TENM4: variants seen among roughly 807,000 people sequenced by gnomAD.
The protein encoded by TENM4 is teneurin transmembrane protein 4.
Under a neutral mutation model 243.3 loss-of-function variants are expected in TENM4, and 82 were observed. The ratio of observed to expected loss-of-function variants is 0.34; its 90% CI spans 0.28 to 0.40. The LOEUF is 0.40. Among genes scored for constraint, TENM4 ranks in the 10% least tolerant of loss-of-function variants. The pLI is 1.00. For missense variants in TENM4, 3,138 were observed against 3,673.3 expected, an observed-to-expected ratio of 0.85 and a Z score of 3.77; for synonymous variants, 1,412 against 1,456.3, an observed-to-expected ratio of 0.97 and a Z score of 0.69.
chr11:79,140,504 C>T (rs1002564587), intron 4 of TENM4, among the ~76,000 whole-genome samples: 3 of 152,058 alleles, frequency 2.0e-5, no homozygotes, highest in Non-Finnish European at 2.9e-5. Flanking sequence ...CTGTTTAAGA[C>T]GCTTCCAAGT....
At chr11:79,115,976 T>C (rs1288994065) in intron 4 of TENM4, among the ~76,000 whole-genome samples, 1 of 152,190 alleles carries the variant, frequency 6.6e-6, no homozygotes, top group Admixed American at 6.5e-5. Context: ...TTTCTCTGCC[T>C]TGGAGTCAGG....
intron 6 of TENM4, among the ~76,000 whole-genome samples, chr11:78,925,978 A>G (rs1194325872): frequency 1.3e-5 from 2 of 152,012 alleles, no homozygotes; most frequent in Admixed American, 1.3e-4. Flanking sequence ...ACAACCCCAA[A>G]GCCCATATAT....
chr11:79,056,539 G>T (rs1591246904), intron 6 of TENM4, among the ~76,000 whole-genome samples: 1 of 152,056 alleles, frequency 6.6e-6, no homozygotes, highest in Non-Finnish European at 1.5e-5. Flanking sequence ...GTGCTATGCG[G>T]AGGAGGCCCC....
At chr11:78,700,555 C>T (rs576165512) in intron 28 of TENM4, among the ~76,000 whole-genome samples, 62 of 152,212 alleles carry the variant, frequency 4.1e-4, no homozygotes, top group Middle Eastern at 3.4e-3. Flanking sequence ...CAAAAAGCAG[C>T]TTAAAAAAAT....
chr11:79,367,970 G>A (rs369647029), intron 1 of TENM4, among the ~76,000 whole-genome samples: 2 of 152,156 alleles, frequency 1.3e-5, no homozygotes, highest in Non-Finnish European at 2.9e-5. Context: ...ATCTAAATCT[G>A]ACTAAAGCAG....
intron 26 of TENM4, among the ~76,000 whole-genome samples, chr11:78,708,872 CT>C (rs1859324349): frequency 6.6e-6 from 1 of 151,988 alleles, no homozygotes; most frequent in Non-Finnish European, 1.5e-5. Flanking sequence ...AATATTAACA[CT>C]GTGAATTATT....
At chr11:78,977,913 A>G (rs761100034) in intron 6 of TENM4, among the ~76,000 whole-genome samples, 2 of 152,226 alleles carry the variant, frequency 1.3e-5, no homozygotes, top group Non-Finnish European at 2.9e-5. Flanking sequence ...ACATATGTTT[A>G]TTGCAGCACG....
At chr11:79,224,943 C>G (rs1293515068) in intron 2 of TENM4, among the ~76,000 whole-genome samples, 1 of 151,192 alleles carries the variant, frequency 6.6e-6, no homozygotes, top group Non-Finnish European at 1.5e-5. Context: ...AAGAGCCAGA[C>G]TCTGTCTAAA....
At chr11:79,220,407 C>A (rs1864134893) in intron 2 of TENM4, among the ~76,000 whole-genome samples, 1 of 152,196 alleles carries the variant, frequency 6.6e-6, no homozygotes, top group Non-Finnish European at 1.5e-5. Flanking sequence ...TCACAACTCA[C>A]CCAGTCACCA....
intron 1 of TENM4, among the ~76,000 whole-genome samples, chr11:79,439,406 A>G (rs546146887): frequency 2.0e-4 from 30 of 152,150 alleles, no homozygotes; most frequent in African/African-American, 6.7e-4. Flanking sequence ...GAGCAGTAAT[A>G]CACTCATCCA....
intron 17 of TENM4, among the ~76,000 whole-genome samples, chr11:78,773,677 A>T (rs1355242273): frequency 6.6e-6 from 1 of 152,164 alleles, no homozygotes; most frequent in African/African-American, 2.4e-5. Context: ...GCAGCCATAC[A>T]CACTTTTAAA....
intron 1 of TENM4, among the ~76,000 whole-genome samples, chr11:79,309,276 G>A (rs1856679869): frequency 6.6e-6 from 1 of 152,192 alleles, no homozygotes; most frequent in Non-Finnish European, 1.5e-5. Flanking sequence ...CAGCCCCTTG[G>A]GTTTACAGGT....
At chr11:79,050,604 TA>T (rs1859768062) in intron 6 of TENM4, among the ~76,000 whole-genome samples, 2 of 152,248 alleles carry the variant, frequency 1.3e-5, no homozygotes, top group Non-Finnish European at 2.9e-5. Flanking sequence ...TCCCTTTGTT[TA>T]TACCATGCTT....
chr11:78,926,801 C>T (rs1856562813), intron 6 of TENM4, among the ~76,000 whole-genome samples: 1 of 151,166 alleles, frequency 6.6e-6, no homozygotes, highest in South Asian at 2.1e-4. Flanking sequence ...ATCAAGATAA[C>T]TTGTTTTCTA....
chr11:79,243,312 G>C (rs774388567), intron 2 of TENM4, among the ~76,000 whole-genome samples: 3 of 152,116 alleles, frequency 2.0e-5, no homozygotes, highest in South Asian at 2.1e-4. Flanking sequence ...TGCATGGGCT[G>C]TCTTGTCGTT....
chr11:78,704,372 A>G (rs749435912), intron 27 of TENM4, among the ~76,000 whole-genome samples: 29 of 151,982 alleles, frequency 1.9e-4, no homozygotes, highest in Non-Finnish European at 4.0e-4. Flanking sequence ...TTTGTATACC[A>G]TCGTCTATAA....
At chr11:78,725,989 A>G in intron 23 of TENM4, 90 bp downstream of exon 23, 1 of 1,544,352 alleles carries the variant, frequency 6.5e-7, no homozygotes, top group Non-Finnish European at 8.8e-7. Context: ...ATGGGATTCA[A>G]AATGTGAATT....
chr11:79,112,416 G>C (rs962409720), intron 4 of TENM4, among the ~76,000 whole-genome samples: 3 of 152,124 alleles, frequency 2.0e-5, no homozygotes, highest in Non-Finnish European at 4.4e-5. Context: ...TGGTTGGGCA[G>C]GTTGTTCACT....
rs1291931922 is a variant in TENM4 at position 79,438,412 on chromosome 11, G to A, written c.-321+2097C>T. 6.6e-6 allele frequency among the ~76,000 whole-genome samples: 1 copy of A among 152,226 alleles called. No homozygotes were observed. The highest frequency in any genetic ancestry group is 2.4e-5 in the African/African-American group (1 of 41,454). On this transcript the variant is annotated intron_variant, in intron 1 of 33. Transcript: ENST00000278550. The surrounding 1 kb of genome is among the most constrained non-coding windows in gnomAD (Gnocchi z 4.1). ...AGAGGCGAGAGGCGAAGGAACGGAA[G>A]CCATACCCGACCCCAGCCCCATCCC...
Sources: allele counts gnomAD v4.1 joint callset (sites outside exome capture counted in the v4.1 genomes callset), GRCh38; gene constraint gnomAD v4.1.1; non-coding constraint Gnocchi (gnomAD v3.1); transcripts MANE v1.5; gene names NCBI Gene and HGNC (gene_info 2026-07-23, HGNC 2026-07-21).